Variants in CDH18 observed in about 807,000 individuals in gnomAD.
CDH18 encodes the protein cadherin-18.
Under a neutral mutation model 67.9 loss-of-function variants are expected in CDH18, and 31 were observed. The ratio of observed to expected loss-of-function variants is 0.46; its 90% CI spans 0.34 to 0.62. The LOEUF is 0.62. Ranked by LOEUF, CDH18 falls within the 20% of genes least tolerant of loss-of-function variation. CDH18 has a pLI of 0.01. For synonymous variants in CDH18, 362 were observed against 347.2 expected (o/e 1.04, Z -0.48); for missense variants, 890 against 975.5 (o/e 0.91, Z 1.17).
At chr5:19,746,674 C>T (rs769941850) in intron 4 of CDH18, among the ~76,000 whole-genome samples, 1 of 152,096 alleles carries the variant, frequency 6.6e-6, no homozygotes, top group African/African-American at 2.4e-5. Flanking sequence ...AAGTATTCCA[C>T]GTGTTTTCAA....
chr5:20,345,342 C>G (rs1488142212), intron 1 of CDH18, among the ~76,000 whole-genome samples: 1 of 152,106 alleles, frequency 6.6e-6, no homozygotes, highest in Non-Finnish European at 1.5e-5. Context: ...GCCAAGGATC[C>G]CTTAATCCGG....
At chr5:20,459,096 C>A (rs1444911121) in intron 1 of CDH18, among the ~76,000 whole-genome samples, 1 of 152,164 alleles carries the variant, frequency 6.6e-6, no homozygotes, top group East Asian at 1.9e-4. Flanking sequence ...TTTTTCAAGG[C>A]CAGACACAGT....
At chr5:19,734,159 T>C (rs188970467) in intron 4 of CDH18, among the ~76,000 whole-genome samples, 4 of 152,296 alleles carry the variant, frequency 2.6e-5, no homozygotes, top group African/African-American at 9.6e-5. Flanking sequence ...TGTTGCTTTA[T>C]TTCCAAAAAA....
At chr5:19,622,641 T>C (rs1750898435) in intron 5 of CDH18, among the ~76,000 whole-genome samples, 1 of 152,112 alleles carries the variant, frequency 6.6e-6, no homozygotes, top group Non-Finnish European at 1.5e-5. Flanking sequence ...AGCTTTCTGG[T>C]AAGTGATCTA....
chr5:20,501,580 A>ATC (rs1431242703), intron 1 of CDH18, among the ~76,000 whole-genome samples: 3 of 12,410 alleles, frequency 2.4e-4, no homozygotes, highest in Non-Finnish European at 3.7e-4. Flanking sequence ...ATATATATAT[A>ATC]TTATATATAT....
rs568160212 is a variant in CDH18 at position 20,179,199 on chromosome 5, T to C, written c.-518+76245A>G. Among the ~76,000 whole-genome samples the C allele has an allele frequency of 3.0e-4, 45 of 152,264 alleles. 1 individual carries two copies. Among genetic ancestry groups the C allele is most frequent in the Non-Finnish European group, 5.6e-4 (38 of 68,014 alleles). On this transcript the variant is annotated intron_variant, in intron 2 of 14. Coordinates refer to the CDH18 transcript ENST00000507958. ...CAACAGCCTACATTTACTGAGCACA[T>C]ACTAAATATGAAGAAGCTTCCATGA...
At chr5:20,068,005 T>C (rs537559150) in intron 2 of CDH18, among the ~76,000 whole-genome samples, 1 of 152,196 alleles carries the variant, frequency 6.6e-6, no homozygotes, top group South Asian at 2.1e-4. Flanking sequence ...CCTTGTCCCT[T>C]TCCTTTTGTT....
In CDH18 at chr5:20,040,549, T is replaced by A. The variant is rs113698979; in HGVS notation, c.-517-48535A>T. On this transcript the variant is annotated intron_variant, in intron 2 of 14. Transcript: ENST00000507958. ...TTTAATTTTAAAAGAAAGAAAAGCT[T>A]CAGCATGGGCATGAATATGTTCTTC... Among the ~76,000 whole-genome samples the A allele has an allele frequency of 1.4e-3, 216 of 152,236 alleles. 2 individuals carry two copies. Among genetic ancestry groups the A allele is most frequent in the African/African-American group, 4.8e-3 (201 of 41,572 alleles).
intron 5 of CDH18, among the ~76,000 whole-genome samples, chr5:19,681,231 A>T (rs942721633): frequency 8.6e-5 from 13 of 151,792 alleles, no homozygotes; most frequent in Admixed American, 2.6e-4. Flanking sequence ...CGAACACATG[A>T]CTTAAGAGCG....
intron 1 of CDH18, among the ~76,000 whole-genome samples, chr5:20,492,179 AT>A (rs374939338): frequency 1.6e-4 from 24 of 149,444 alleles, no homozygotes; most frequent in South Asian, 2.1e-4. Context: ...AGTAACATTG[AT>A]TTTTTTTTTG....
chr5:20,483,395 T>C (rs4558992), intron 1 of CDH18, among the ~76,000 whole-genome samples: 22,759 of 151,654 alleles, frequency 0.15, 3,438 homozygotes, highest in African/African-American at 0.4. Flanking sequence ...CAATAATGCG[T>C]TTCACAGAAA....
At chr5:20,304,381 A>G (rs1459909072) in intron 1 of CDH18, 1 of 1,441,348 alleles carries the variant, frequency 6.9e-7, no homozygotes, top group East Asian at 2.3e-5. Context: ...TGGAGTAAAA[A>G]GCATCTTCTT....
intron 2 of CDH18, among the ~76,000 whole-genome samples, chr5:20,012,115 C>T (rs1426690075): frequency 6.6e-6 from 1 of 151,652 alleles, no homozygotes; most frequent in South Asian, 2.1e-4. Flanking sequence ...AATTTCAGAA[C>T]TCATTATTGG....
chr5:19,573,527 C>T (rs1741814686), intron 7 of CDH18, among the ~76,000 whole-genome samples: 1 of 152,112 alleles, frequency 6.6e-6, no homozygotes, highest in Admixed American at 6.5e-5. Flanking sequence ...ATCCACCCAC[C>T]TAGGCCTCCC....
chr5:19,653,298 TTCTC>T (rs1755847678), intron 5 of CDH18, among the ~76,000 whole-genome samples: 1 of 152,184 alleles, frequency 6.6e-6, no homozygotes, highest in South Asian at 2.1e-4. Context: ...AGTCTTTTTT[TTCTC>T]TCTCTAATCC....
chr5:19,706,370 C>G (rs1167630529), intron 5 of CDH18, among the ~76,000 whole-genome samples: 5 of 152,170 alleles, frequency 3.3e-5, no homozygotes, highest in Non-Finnish European at 4.4e-5. Context: ...ATGTTAATGC[C>G]TCTGGTCTCA....
In CDH18 at chr5:19,473,202, C is replaced by T. The variant is rs867622804; in HGVS notation, c.*24G>A. 1 of 1,603,770 alleles carries T rather than the reference C, an allele frequency of 6.2e-7. No homozygotes were observed. Among genetic ancestry groups the T allele is most frequent in the Non-Finnish European group, 8.5e-7 (1 of 1,173,724 alleles). On this transcript the variant is annotated 3_prime_UTR_variant, in exon 13 of 13. Coordinates refer to ENST00000382275, the MANE Select transcript of CDH18 (RefSeq NM_004934.5). The stretch of plus-strand genomic sequence containing the variant: ...ATCCACTTACTCAGGAAGCAAATTC[C>T]ACAAGGTTGCAAGAACTGACCCCCT...
chr5:19,487,574 A>G (rs1462568499), intron 11 of CDH18, among the ~76,000 whole-genome samples: 1 of 152,196 alleles, frequency 6.6e-6, no homozygotes, highest in Non-Finnish European at 1.5e-5. Flanking sequence ...AAAACTTTTT[A>G]TCTTTTTCAT....
chr5:19,592,017 A>T (rs1484425093), intron 6 of CDH18, among the ~76,000 whole-genome samples: 1 of 152,116 alleles, frequency 6.6e-6, no homozygotes, highest in Non-Finnish European at 1.5e-5. Context: ...ATTGTTCTCT[A>T]AGTGTTAAAA....
Sources: allele counts gnomAD v4.1 joint callset (sites outside exome capture counted in the v4.1 genomes callset), GRCh38; gene constraint gnomAD v4.1.1; transcripts MANE v1.5; gene names NCBI Gene and HGNC (gene_info 2026-07-23, HGNC 2026-07-21).